MTA3: variants seen among roughly 807,000 people sequenced by gnomAD.
MTA3 encodes the protein metastasis associated 1 family member 3, also known as metastasis-associated protein MTA3.
In MTA3, 34 loss-of-function variants were observed where a neutral mutation model predicts 83.5. The ratio of observed to expected loss-of-function variants is 0.41; its 90% CI spans 0.31 to 0.54. The LOEUF is 0.54. MTA3 is among the 20% of genes least tolerant of loss of function. The probability of loss-of-function intolerance (pLI) is 0.33; values close to 1 mark genes in which losing one functional copy is unlikely to be tolerated. For missense variants in MTA3, 761 were observed against 726.4 expected, an observed-to-expected ratio of 1.05 and a Z score of -0.55; for synonymous variants, 303 against 252.7, an observed-to-expected ratio of 1.20 and a Z score of -1.89.
chr2:42,618,314 C>G (rs78635504), intron 4 of MTA3, among the ~76,000 whole-genome samples: 2,092 of 152,116 alleles, frequency 0.014, 47 homozygotes, highest in African/African-American at 0.047. Context: ...GAGAACAGAC[C>G]TTTTTCTAAC....
intron 3 of MTA3, among the ~76,000 whole-genome samples, 187 bp from the exon 4 acceptor site, chr2:42,609,271 T>G (rs573008519): frequency 6.6e-6 from 1 of 152,254 alleles, no homozygotes; most frequent in Non-Finnish European, 1.5e-5. Context: ...CCTCAGGTGA[T>G]CCACCTGCCT....
intron 2 of MTA3, among the ~76,000 whole-genome samples, chr2:42,542,114 G>A (rs1676544724): frequency 6.6e-6 from 1 of 152,144 alleles, no homozygotes; most frequent in African/African-American, 2.4e-5. Context: ...TTTGCTCTAT[G>A]CCTAGATCAA....
At chr2:42,729,599 T>C (rs970357953) in intron 16 of MTA3, among the ~76,000 whole-genome samples, 6 of 152,206 alleles carry the variant, frequency 3.9e-5, no homozygotes, top group African/African-American at 1.2e-4. Flanking sequence ...GAGTTTATAC[T>C]GTAGATGTAT....
rs759946029 is a variant in MTA3, at chr2:42,753,516, C to T, written c.*117C>T. 1.8e-5 allele frequency: 28 copies of T among 1,522,410 alleles called. No homozygotes were observed. Among genetic ancestry groups the T allele is most frequent in the African/African-American group, 8.3e-5 (6 of 72,474 alleles). 94.3% of individuals were successfully genotyped at this position (1,522,410 alleles called of 1,614,324 possible). A position where few individuals can be genotyped will look rare whatever the true frequency, so the allele number is the denominator to read the frequency against. On this transcript the variant is annotated 3_prime_UTR_variant, in exon 17 of 17. Transcript: ENST00000405094. ...AGTACATTTCAGTGGGAGACCTCTG[C>T]GTGCATCCATGGAGACGCAATGGGG...
intron 8 of MTA3, among the ~76,000 whole-genome samples, chr2:42,668,881 A>G (rs944592711): frequency 3.0e-4 from 45 of 152,176 alleles, no homozygotes; most frequent in African/African-American, 1.1e-3. Flanking sequence ...CCCATCAAGA[A>G]TAACTTAGAA....
intron 2 of MTA3, among the ~76,000 whole-genome samples, chr2:42,555,980 G>A (rs1301004558): frequency 6.6e-6 from 1 of 151,908 alleles, no homozygotes; most frequent in Non-Finnish European, 1.5e-5. Context: ...GCTGAGGCAG[G>A]AGAATTGCTA....
At chr2:42,497,758 A>G (rs1674213356) in intron 2 of MTA3, among the ~76,000 whole-genome samples, 1 of 152,186 alleles carries the variant, frequency 6.6e-6, no homozygotes, top group Non-Finnish European at 1.5e-5. Flanking sequence ...GGTAATGAAA[A>G]GATCACAAGC....
At chr2:42,561,593 G>A (rs1402348074) in intron 2 of MTA3, among the ~76,000 whole-genome samples, 1 of 152,098 alleles carries the variant, frequency 6.6e-6, no homozygotes, top group African/African-American at 2.4e-5. Flanking sequence ...AAAGTGCTGG[G>A]ATTACAGGCG....
chr2:42,571,153 G>T lies in MTA3; in HGVS notation c.96+649G>T, dbSNP rs913203504. ...CACCCCTGTAATCCCAGCAATTTGG[G>T]AGGCCAAGGAGGGGGTGGATCACTT... On this transcript the variant is annotated intron_variant, in intron 2 of 16. Coordinates refer to ENST00000405094, the MANE Select transcript of MTA3 (RefSeq NM_001330442.2). Among the ~76,000 whole-genome samples, 4 of 152,078 alleles carry T rather than the reference G, an allele frequency of 2.6e-5. No individual in the cohort carries two copies. In the East Asian group the frequency reaches 7.7e-4, roughly 29 times the overall value.
intron 2 of MTA3, among the ~76,000 whole-genome samples, chr2:42,555,718 A>G (rs1050698508): frequency 3.3e-5 from 5 of 151,798 alleles, no homozygotes; most frequent in Non-Finnish European, 4.4e-5. Flanking sequence ...CAGTGAGCCA[A>G]CAGGGTGCTA....
At chr2:42,655,392 TA>T (rs1689073955) in intron 6 of MTA3, among the ~76,000 whole-genome samples, 2 of 152,178 alleles carry the variant, frequency 1.3e-5, no homozygotes, top group Admixed American at 1.3e-4. Context: ...ATTTCTTTTT[TA>T]AAAAATCTTC....
intron 2 of MTA3, among the ~76,000 whole-genome samples, chr2:42,543,863 G>C (rs575977396): frequency 5.3e-5 from 8 of 151,638 alleles, no homozygotes; most frequent in Non-Finnish European, 7.4e-5. Context: ...TTGTTCATTT[G>C]TTTTTAATTA....
At chr2:42,634,649 T>G (rs1687012555) in intron 4 of MTA3, among the ~76,000 whole-genome samples, 1 of 152,192 alleles carries the variant, frequency 6.6e-6, no homozygotes, top group South Asian at 2.1e-4. Flanking sequence ...TATCACCCCC[T>G]TTCATTTTAA....
At chr2:42,590,661 C>G (rs1426600076) in intron 3 of MTA3, among the ~76,000 whole-genome samples, 1 of 148,218 alleles carries the variant, frequency 6.7e-6, no homozygotes, top group Non-Finnish European at 1.5e-5. Flanking sequence ...CGCTCTGTCA[C>G]CCAGGCTGGA....
intron 8 of MTA3, among the ~76,000 whole-genome samples, chr2:42,679,311 C>T (rs184890250): frequency 6.6e-6 from 1 of 152,132 alleles, no homozygotes; most frequent in Non-Finnish European, 1.5e-5. Flanking sequence ...TTTTATATTG[C>T]CTTTGTTCTG....
At position 42,536,935 on chromosome 2, in the gene MTA3, T is replaced by C. The variant is rs530473506; in HGVS notation, c.-140-33502T>C. On this transcript the variant is annotated intron_variant, in intron 2 of 17. Transcript: ENST00000405592. Reference sequence around the variant, plus strand: ...TTGACCCCAACACAGGTATCCCGGATCACCTGGGTGTAAGGAAAAAAGGTT... The same window carrying C: ...TTGACCCCAACACAGGTATCCCGGACCACCTGGGTGTAAGGAAAAAAGGTT... Among the ~76,000 whole-genome samples, 7 of 150,172 alleles carry C rather than the reference T, an allele frequency of 4.7e-5. No individual in the cohort carries two copies. In the South Asian group the frequency reaches 1.3e-3, roughly 27 times the overall value.
chr2:42,697,916 C>G (rs1558594046), intron 11 of MTA3, 82 bp downstream of exon 11: 2 of 1,032,768 alleles, frequency 1.9e-6, no homozygotes, highest in Non-Finnish European at 2.8e-6. Flanking sequence ...TCAGTTTCAG[C>G]AAAATTTGAA....
chr2:42,505,870 G>A (rs1304162741), intron 2 of MTA3, among the ~76,000 whole-genome samples: 2 of 150,914 alleles, frequency 1.3e-5, no homozygotes, highest in Admixed American at 1.3e-4. Flanking sequence ...CCAGGTTCAA[G>A]TGATTCTCCT....
intron 8 of MTA3, among the ~76,000 whole-genome samples, chr2:42,672,989 G>GGT (rs1222066518): frequency 6.6e-6 from 1 of 151,836 alleles, no homozygotes; most frequent in East Asian, 1.9e-4. Context: ...TGGGATTACA[G>GGT]GTGCGCGCCA....
Sources: allele counts gnomAD v4.1 joint callset (sites outside exome capture counted in the v4.1 genomes callset), GRCh38; gene constraint gnomAD v4.1.1; transcripts MANE v1.5; gene names NCBI Gene and HGNC (gene_info 2026-07-23, HGNC 2026-07-21).